Variants in GNA14 observed in about 807,000 individuals in gnomAD.
GNA14 encodes G protein subunit alpha 14.
Under a neutral mutation model 42.0 loss-of-function variants are expected in GNA14, and 50 were observed. The observed-to-expected ratio is 1.19, with a 90% CI of 0.95 to 1.51. The LOEUF (loss-of-function observed/expected upper bound fraction) is 1.51, where lower values mean the gene tolerates loss of function less well. Ranked by LOEUF, GNA14 falls within the 40% of genes most tolerant of loss-of-function variation. The pLI, the probability that GNA14 is intolerant of heterozygous loss-of-function variation, is 0.00. For missense variants in GNA14, 473 were observed against 446.2 expected, an observed-to-expected ratio of 1.06 and a Z score of -0.54; for synonymous variants, 173 against 163.1, an observed-to-expected ratio of 1.06 and a Z score of -0.46.
intron 1 of GNA14, among the ~76,000 whole-genome samples, chr9:77,538,414 G>T (rs1837622025): frequency 6.6e-6 from 1 of 151,912 alleles, no homozygotes. Context: ...GGCTATTCAG[G>T]CTCTTTTTTG....
chr9:77,550,069 A>C (rs1837770893), intron 1 of GNA14, among the ~76,000 whole-genome samples: 1 of 152,078 alleles, frequency 6.6e-6, no homozygotes, highest in Non-Finnish European at 1.5e-5. Context: ...CAGGGTGCAC[A>C]TAAAGTCTTT....
chr9:77,542,824 C>T (rs1459263263), intron 1 of GNA14, among the ~76,000 whole-genome samples: 1 of 152,202 alleles, frequency 6.6e-6, no homozygotes, highest in African/African-American at 2.4e-5. Context: ...TCGCTGATCC[C>T]AGGCCCCTGA....
chr9:77,445,279 T>G (rs1366485154), intron 2 of GNA14, among the ~76,000 whole-genome samples: 2 of 152,282 alleles, frequency 1.3e-5, no homozygotes, highest in Admixed American at 6.5e-5. Context: ...AGTCTTTCCC[T>G]AAGATGCTCT....
intron 1 of GNA14, among the ~76,000 whole-genome samples, chr9:77,588,872 G>A (rs1823345827): frequency 6.6e-6 from 1 of 152,140 alleles, no homozygotes; most frequent in South Asian, 2.1e-4. Context: ...TGCAGTCGCA[G>A]AAAATTCTTC....
chr9:77,593,917 A>T (rs114909153), intron 1 of GNA14, among the ~76,000 whole-genome samples: 129 of 152,352 alleles, frequency 8.5e-4, no homozygotes, highest in African/African-American at 2.9e-3. Context: ...TGAGCACACG[A>T]GAGTCTGATC....
chr9:77,610,564 C>A (rs182770701), intron 1 of GNA14, among the ~76,000 whole-genome samples: 1 of 152,266 alleles, frequency 6.6e-6, no homozygotes, highest in East Asian at 1.9e-4. Context: ...TTCCAAATAT[C>A]ATCACATTGA....
chr9:77,485,003 T>C (rs1267435729), intron 2 of GNA14, among the ~76,000 whole-genome samples: 1 of 152,166 alleles, frequency 6.6e-6, no homozygotes, highest in African/African-American at 2.4e-5. Flanking sequence ...CTGCTCAGGA[T>C]GGTGGTTGCT....
chr9:77,582,606 T>G (rs574688249), intron 1 of GNA14, among the ~76,000 whole-genome samples: 157 of 152,288 alleles, frequency 1.0e-3, no homozygotes, highest in African/African-American at 3.7e-3. Context: ...ACCAGATAAA[T>G]ATTTCTGAAC....
intron 1 of GNA14, among the ~76,000 whole-genome samples, chr9:77,572,684 A>G (rs1202527941): frequency 6.6e-6 from 1 of 152,240 alleles, no homozygotes. Context: ...CAAAGAAATT[A>G]AATATATTAA....
At chr9:77,587,773 T>G (rs1158257686) in intron 1 of GNA14, among the ~76,000 whole-genome samples, 1 of 152,216 alleles carries the variant, frequency 6.6e-6, no homozygotes, top group African/African-American at 2.4e-5. Flanking sequence ...AAATGGTTGC[T>G]TTTATTCAGT....
chr9:77,561,426 T>A (rs147561879), intron 1 of GNA14, among the ~76,000 whole-genome samples: 416 of 152,268 alleles, frequency 2.7e-3, no homozygotes, highest in South Asian at 5.8e-3. Context: ...GCCATGCAAG[T>A]AATGTCAGGG....
chr9:77,515,484 G>T (rs1008895726), intron 2 of GNA14, among the ~76,000 whole-genome samples: 1 of 152,248 alleles, frequency 6.6e-6, no homozygotes, highest in African/African-American at 2.4e-5. Context: ...AATAGTAAAA[G>T]AGAGGCTGTT....
chr9:77,518,700 G>A (rs953888491), intron 2 of GNA14, among the ~76,000 whole-genome samples: 2 of 152,128 alleles, frequency 1.3e-5, no homozygotes, highest in Non-Finnish European at 2.9e-5. Context: ...TTTCTTAAAA[G>A]AAAATTTAGA....
chr9:77,424,003 G>T lies in GNA14; in HGVS notation c.1044C>A (p.Asn348Lys). ...AAVKDTILQL[N>K]LREFNLV ...TTTAGACAAGGTTGAATTCCCTTAG[G>T]TTTAGCTGTAGAATTGTGTCTTTGA... Residue 348 changes from asparagine (N) to lysine (K), a missense_variant, in exon 7 of 7, where the codon AAC (asparagine) becomes AAA (lysine). Transcript: ENST00000341700. 1 of 1,606,314 alleles carries T rather than the reference G, an allele frequency of 6.2e-7. No homozygotes were observed. The highest frequency in any genetic ancestry group is 8.5e-7 in the Non-Finnish European group (1 of 1,175,564).
chr9:77,429,928 C>A (rs761485933), intron 4 of GNA14, among the ~76,000 whole-genome samples: 1 of 151,728 alleles, frequency 6.6e-6, no homozygotes, highest in African/African-American at 2.4e-5. Flanking sequence ...ACATCACCAC[C>A]CCACCACACA....
chr9:77,622,084 C>A (rs1823932731), intron 1 of GNA14, among the ~76,000 whole-genome samples: 1 of 152,134 alleles, frequency 6.6e-6, no homozygotes, highest in Non-Finnish European at 1.5e-5. Context: ...AGCCACTGCG[C>A]CAGGCCTAAT....
At chr9:77,576,356 C>T (rs1394454385) in intron 1 of GNA14, among the ~76,000 whole-genome samples, 3 of 152,082 alleles carry the variant, frequency 2.0e-5, no homozygotes, top group Non-Finnish European at 4.4e-5. Flanking sequence ...GTACCGAATA[C>T]TGAATAATTT....
chr9:77,580,822 T>A (rs911639572), intron 1 of GNA14, among the ~76,000 whole-genome samples: 3 of 152,190 alleles, frequency 2.0e-5, no homozygotes, highest in African/African-American at 7.2e-5. Flanking sequence ...ATGAGAGAAG[T>A]CTGTATTGTA....
At chr9:77,461,510 G>A (rs1040898258) in intron 2 of GNA14, among the ~76,000 whole-genome samples, 5 of 152,148 alleles carry the variant, frequency 3.3e-5, no homozygotes, top group African/African-American at 1.2e-4. Flanking sequence ...AAGCAATTGG[G>A]TGGGATTCCA....
Sources: gnomAD v4.1 joint callset for allele counts (sites outside exome capture counted in the v4.1 genomes callset) on GRCh38, gnomAD v4.1.1 for gene constraint, MANE v1.5 for transcripts, NCBI Gene and HGNC (gene_info 2026-07-23, HGNC 2026-07-21) for gene names.